Variants in PRSS23 observed in about 807,000 individuals in gnomAD.
The protein encoded by PRSS23 is protease, serine 23.
In PRSS23, 25 loss-of-function variants were observed where a neutral mutation model predicts 34.7. The ratio of observed to expected loss-of-function variants is 0.72; its 90% CI spans 0.53 to 1.01. PRSS23 has a LOEUF of 1.01. Ranked by LOEUF, PRSS23 falls within the 50% of genes least tolerant of loss-of-function variation. PRSS23 has a pLI of 0.00. For synonymous variants in PRSS23, 176 were observed against 186.6 expected, an observed-to-expected ratio of 0.94 and a Z score of 0.46; for missense variants, 445 against 475.6, an observed-to-expected ratio of 0.94 and a Z score of 0.60.
rs1035690067 is a variant in PRSS23 at position 86,800,633 on chromosome 11, G to C, written c.-32G>C. ...GAGCGGCGCAGCGAGCCGCGGCCCG[G>C]GCGGGCTGCTCGGCGCGGGTGAGTG... On this transcript the variant is annotated 5_prime_UTR_variant, in exon 1 of 2. Coordinates refer to ENST00000280258, the MANE Select transcript of PRSS23 (RefSeq NM_007173.6). 14 of 985,118 alleles carry C rather than the reference G, an allele frequency of 1.4e-5. No homozygotes were observed. In the African/African-American group the frequency reaches 2.3e-4, roughly 16 times the overall value. The allele number at this position is 985,118 out of a possible 1,614,324, so 61.0% of individuals were successfully genotyped here. A position where few individuals can be genotyped will look rare whatever the true frequency, so the allele number is the denominator to read the frequency against.
chr11:86,803,995 A>T (rs770590583), intron 1 of PRSS23, among the ~76,000 whole-genome samples: 2 of 152,092 alleles, frequency 1.3e-5, no homozygotes, highest in Non-Finnish European at 2.9e-5. Context: ...GATAGTACAG[A>T]CACTATAGTC....
intron 2 of PRSS23, among the ~76,000 whole-genome samples, chr11:86,916,933 T>G (rs894096609): frequency 6.6e-6 from 1 of 152,234 alleles, no homozygotes; most frequent in African/African-American, 2.4e-5. Context: ...TCCGTACAGC[T>G]TAGCCCAGCA....
intron 2 of PRSS23, among the ~76,000 whole-genome samples, chr11:86,917,163 T>A (rs1216322560): frequency 6.6e-6 from 1 of 152,052 alleles, no homozygotes; most frequent in Non-Finnish European, 1.5e-5. Context: ...CTACTAAAAA[T>A]ACAAAATGAC....
chr11:86,807,772 G>C lies in PRSS23; in HGVS notation c.129G>C (p.Gln43His). 6.2e-7 allele frequency: 1 copy of C among 1,614,136 alleles called. No individual in the cohort carries two copies. The highest frequency in any genetic ancestry group is 8.5e-7 in the Non-Finnish European group (1 of 1,180,022). ...ACCGCCTCCCTGTCGTCTTGCCCCA[G>C]TCTACCCTCAATTTAGCCAAGCCAG... Reference protein sequence around the residue: ...PAYRLPVVLPQSTLNLAKPDF... With the variant: ...PAYRLPVVLPHSTLNLAKPDF... The change falls in exon 2 of 2, where the codon CAG (glutamine) becomes CAC (histidine). Residue 43 changes from glutamine to histidine, a missense_variant. Gln to His is a conservative substitution (Grantham distance 24, BLOSUM62 0). Transcript: ENST00000280258.
chr11:86,891,843 G>A (rs1948843594), intron 2 of PRSS23, among the ~76,000 whole-genome samples: 1 of 152,112 alleles, frequency 6.6e-6, no homozygotes, highest in Admixed American at 6.5e-5. Context: ...AGTTCCTCCT[G>A]CGTTCATTCT....
chr11:86,804,869 G>A (rs971216769), intron 1 of PRSS23, among the ~76,000 whole-genome samples: 4 of 152,152 alleles, frequency 2.6e-5, no homozygotes, highest in African/African-American at 9.7e-5. Context: ...CATGCACATT[G>A]AAAATATTAT....
At chr11:86,793,075 T>C (rs1346834085) in intron 1 of PRSS23, among the ~76,000 whole-genome samples, 1 of 152,222 alleles carries the variant, frequency 6.6e-6, no homozygotes, top group African/African-American at 2.4e-5. Flanking sequence ...CAGGCTAGTC[T>C]TGAGCTCCTG....
At chr11:86,943,456 C>T (rs1283752352) in intron 2 of PRSS23, among the ~76,000 whole-genome samples, 4 of 152,010 alleles carry the variant, frequency 2.6e-5, no homozygotes, top group Non-Finnish European at 4.4e-5. Flanking sequence ...GAAACCCCAT[C>T]TCCACAAACA....
At chr11:86,832,619 G>T in intron 2 of PRSS23, 1 of 493,418 alleles carries the variant, frequency 2.0e-6, no homozygotes, top group Non-Finnish European at 4.0e-6. Context: ...GGTGATCACC[G>T]TGTACATCAT....
chr11:86,915,801 C>T (rs1005843230), intron 2 of PRSS23, among the ~76,000 whole-genome samples: 12 of 152,068 alleles, frequency 7.9e-5, no homozygotes, highest in South Asian at 4.1e-4. Flanking sequence ...GTAATCCCAG[C>T]GCTTTGGGAG....
At chr11:86,794,533 T>C (rs896912147) in intron 1 of PRSS23, among the ~76,000 whole-genome samples, 1 of 152,190 alleles carries the variant, frequency 6.6e-6, no homozygotes, top group Non-Finnish European at 1.5e-5. Flanking sequence ...TTTCCTACCA[T>C]ATGTACCAAT....
chr11:86,807,670 C>A lies in PRSS23; in HGVS notation c.27C>A (p.Phe9Leu). ...TGGCAGGGATTCCAGGGCTCCTCTT[C>A]CTTCTCTTCTTTCTGCTCTGTGCTG... is the stretch of plus-strand genomic sequence containing the variant. Reference protein sequence around the residue: MAGIPGLLFLLFFLLCAVG... With the variant: MAGIPGLLLLLFFLLCAVG... Residue 9 changes from phenylalanine (F) to leucine (L), a missense_variant, in exon 2 of 2, where the codon TTC (phenylalanine) becomes TTA (leucine). Transcript: ENST00000280258. The A allele has an allele frequency of 6.2e-7, 1 of 1,612,498 alleles. No homozygotes were observed. Among genetic ancestry groups the A allele is most frequent in the Non-Finnish European group, 8.5e-7 (1 of 1,179,014 alleles).
intron 2 of PRSS23, among the ~76,000 whole-genome samples, chr11:86,880,364 A>G (rs1408795538): frequency 3.3e-5 from 5 of 151,708 alleles, no homozygotes; most frequent in African/African-American, 1.2e-4. Context: ...TCACTTGTTT[A>G]TCTGCTGACC....
intron 1 of PRSS23, chr11:86,821,263 A>G (rs756733124): frequency 1.9e-5 from 10 of 524,164 alleles, no homozygotes; most frequent in Non-Finnish European, 2.9e-5. Context: ...TAATCCGATG[A>G]CACAAAAATG....
chr11:86,797,107 T>C (rs1427032872), upstream of PRSS23, among the ~76,000 whole-genome samples: 1 of 152,248 alleles, frequency 6.6e-6, no homozygotes, highest in Non-Finnish European at 1.5e-5. Context: ...TGTGTGGGCT[T>C]TGCCCTGAAT....
At chr11:86,923,246 C>T (rs540482888) in intron 2 of PRSS23, among the ~76,000 whole-genome samples, 2 of 151,420 alleles carry the variant, frequency 1.3e-5, no homozygotes, top group Non-Finnish European at 2.9e-5. Context: ...ACCTCTGCCT[C>T]TCAAAAAACT....
intron 2 of PRSS23, among the ~76,000 whole-genome samples, chr11:86,903,325 G>T (rs965092162): frequency 2.0e-5 from 3 of 152,034 alleles, no homozygotes; most frequent in Non-Finnish European, 2.9e-5. Flanking sequence ...CAAGCTACAG[G>T]TCACAAGGTC....
chr11:86,873,305 CTTTTTGAGATGGAG>C (rs1948699683), intron 2 of PRSS23, among the ~76,000 whole-genome samples: 1 of 135,580 alleles, frequency 7.4e-6, no homozygotes, highest in African/African-American at 2.8e-5. Context: ...TATTTTTTTT[CTTTTTGAGATGGAG>C]TTTCACTCTG....
chr11:86,821,680 G>A (rs1422549349), intron 1 of PRSS23: 5 of 1,523,548 alleles, frequency 3.3e-6, no homozygotes, highest in Non-Finnish European at 3.6e-6. Flanking sequence ...GGAGCAATCT[G>A]CTCTTATGTT....
Sources: allele counts gnomAD v4.1 joint callset (sites outside exome capture counted in the v4.1 genomes callset), GRCh38; gene constraint gnomAD v4.1.1; transcripts MANE v1.5; gene names NCBI Gene and HGNC (gene_info 2026-07-23, HGNC 2026-07-21).